Variants in UNC5C observed in about 807,000 individuals in gnomAD.
UNC5C encodes netrin receptor UNC5C.
UNC5C carries 47 observed loss-of-function variants against 99.8 expected under a neutral mutation model. That is an observed-to-expected ratio of 0.47 (90% CI 0.37 to 0.60). The LOEUF is 0.60. UNC5C is among the 20% of genes least tolerant of loss of function. The pLI is 0.00. For missense variants in UNC5C, 1,062 were observed against 1,165.9 expected (o/e 0.91, Z 1.30); for synonymous variants, 487 against 452.2 (o/e 1.08, Z -0.98).
intron 1 of UNC5C, among the ~76,000 whole-genome samples, chr4:95,509,206 G>C (rs1722000996): frequency 6.6e-6 from 1 of 151,566 alleles, no homozygotes; most frequent in Non-Finnish European, 1.5e-5. Flanking sequence ...TTTTTTTGTA[G>C]TTTTTTTCTA....
intron 7 of UNC5C, among the ~76,000 whole-genome samples, chr4:95,224,119 C>T (rs1231513066): frequency 6.6e-6 from 1 of 151,892 alleles, no homozygotes; most frequent in African/African-American, 2.4e-5. Context: ...CCATCTCTAC[C>T]CAAAATACAA....
At chr4:95,278,390 G>A (rs755207260) in intron 3 of UNC5C, 28 bp from the exon 4 acceptor site, 1 of 1,566,362 alleles carries the variant, frequency 6.4e-7, no homozygotes, top group Admixed American at 1.7e-5. Context: ...CAAAATACAT[G>A]TCAAAATTAA....
At chr4:95,406,053 T>A (rs1367783454) in intron 1 of UNC5C, among the ~76,000 whole-genome samples, 2 of 152,108 alleles carry the variant, frequency 1.3e-5, no homozygotes, top group Non-Finnish European at 2.9e-5. Context: ...AAAATGAAGA[T>A]TAACAAATGT....
At chr4:95,342,613 G>A (rs992328858) in intron 1 of UNC5C, among the ~76,000 whole-genome samples, 3 of 151,742 alleles carry the variant, frequency 2.0e-5, no homozygotes, top group Admixed American at 2.0e-4. Flanking sequence ...AGAATGGACT[G>A]GGATGAGGCT....
intron 7 of UNC5C, among the ~76,000 whole-genome samples, chr4:95,227,786 C>T (rs1738753240): frequency 6.6e-6 from 1 of 152,200 alleles, no homozygotes; most frequent in Admixed American, 6.5e-5. Context: ...GTCAATAAAA[C>T]TGACAATGTA....
At chr4:95,509,966 T>C (rs1248596542) in intron 1 of UNC5C, among the ~76,000 whole-genome samples, 1 of 151,930 alleles carries the variant, frequency 6.6e-6, no homozygotes, top group Non-Finnish European at 1.5e-5. Flanking sequence ...TTTCCATCTG[T>C]GAAACACTTG....
rs539928282 is a variant in UNC5C, at chr4:95,420,052, T to C, written c.125-84421A>G. Among the ~76,000 whole-genome samples, 8 of 152,338 alleles carry C rather than the reference T, an allele frequency of 5.3e-5. No individual in the cohort carries two copies. In the South Asian group the frequency reaches 8.3e-4, roughly 16 times the overall value. ...ATTATCAACATTTCCTCTTGAGATG[T>C]CTTAAGTATGAATACCTATAATCAG... On this transcript the variant is annotated intron_variant, in intron 1 of 15. Coordinates refer to ENST00000453304, the MANE Select transcript of UNC5C (RefSeq NM_003728.4).
intron 1 of UNC5C, among the ~76,000 whole-genome samples, chr4:95,458,235 T>C (rs1350710703): frequency 6.6e-6 from 1 of 152,040 alleles, no homozygotes; most frequent in Non-Finnish European, 1.5e-5. Flanking sequence ...AGTGAGTCTG[T>C]CCCATTGTAG....
chr4:95,228,812 CAT>C (rs1296311329), intron 7 of UNC5C, among the ~76,000 whole-genome samples: 1 of 152,140 alleles, frequency 6.6e-6, no homozygotes, highest in Non-Finnish European at 1.5e-5. Flanking sequence ...CATTTATAGT[CAT>C]GACACTTATA....
In UNC5C at chr4:95,354,566, A is replaced by G. The variant is rs538129772; in HGVS notation, c.125-18935T>C. Among the ~76,000 whole-genome samples the G allele has an allele frequency of 3.8e-4, 57 of 150,468 alleles. 1 individual carries two copies. The highest frequency in any genetic ancestry group is 1.4e-3 in the African/African-American group (57 of 40,852). On this transcript the variant is annotated intron_variant, in intron 1 of 15. Transcript: ENST00000453304. ...GCAATAATGGCTCACTGTAACCTCA[A>G]ATGTCTGGGCTCAAGCCATCCTCCC...
chr4:95,365,675 A>G (rs1371999384), intron 1 of UNC5C, among the ~76,000 whole-genome samples: 1 of 152,074 alleles, frequency 6.6e-6, no homozygotes, highest in Non-Finnish European at 1.5e-5. Flanking sequence ...TTTCAAATGC[A>G]GATCAATTTC....
At chr4:95,522,419 T>C (rs918779923) in intron 1 of UNC5C, among the ~76,000 whole-genome samples, 1 of 151,948 alleles carries the variant, frequency 6.6e-6, no homozygotes, top group Non-Finnish European at 1.5e-5. Flanking sequence ...CATACACAGG[T>C]GTGCATGAGA....
chr4:95,224,103 G>A (rs1215184479), intron 7 of UNC5C, among the ~76,000 whole-genome samples: 1 of 152,126 alleles, frequency 6.6e-6, no homozygotes, highest in African/African-American at 2.4e-5. Flanking sequence ...GCAACATGGT[G>A]AAAGCCCATC....
At chr4:95,176,743 G>A (rs1736367988) in intron 14 of UNC5C, among the ~76,000 whole-genome samples, 1 of 152,354 alleles carries the variant, frequency 6.6e-6, no homozygotes, top group Admixed American at 6.5e-5. Flanking sequence ...AGGCAGGCAG[G>A]CCTCCTTGAG....
chr4:95,293,882 T>C (rs928684417), intron 3 of UNC5C, among the ~76,000 whole-genome samples: 8 of 152,160 alleles, frequency 5.3e-5, no homozygotes, highest in African/African-American at 1.9e-4. Context: ...AATGATCTAA[T>C]ACATAATACA....
chr4:95,250,393 T>A lies in UNC5C; in HGVS notation c.775+94A>T, dbSNP rs1739653443. The A allele has an allele frequency of 3.2e-5, 43 of 1,350,102 alleles. No individual in the cohort carries two copies. The South Asian group carries it at 5.8e-4, about 18-fold the overall frequency. The allele number at this position is 1,350,102 out of a possible 1,614,324, so 83.6% of individuals were successfully genotyped here. On this transcript the variant is annotated intron_variant, in intron 5 of 15. Transcript: ENST00000453304. ...GAGCAAGACCCTGTCTCAAATAATATGAAATTTTAAAAAAAGGGCTTCTAG... is the reference window on the plus strand; with the variant it reads ...GAGCAAGACCCTGTCTCAAATAATAAGAAATTTTAAAAAAAGGGCTTCTAG...
intron 1 of UNC5C, among the ~76,000 whole-genome samples, chr4:95,342,909 G>A (rs533592724): frequency 6.6e-6 from 1 of 152,186 alleles, no homozygotes; most frequent in South Asian, 2.1e-4. Context: ...AGTGGCAGTG[G>A]CCATGGAAAA....
chr4:95,279,358 C>A (rs1740972088), intron 3 of UNC5C, among the ~76,000 whole-genome samples: 1 of 152,108 alleles, frequency 6.6e-6, no homozygotes, highest in Non-Finnish European at 1.5e-5. Flanking sequence ...CAGGAGTATG[C>A]AGCTGAGTTT....
intron 2 of UNC5C, among the ~76,000 whole-genome samples, chr4:95,332,350 A>G (rs1490266460): frequency 6.7e-6 from 1 of 149,800 alleles, no homozygotes; most frequent in Non-Finnish European, 1.5e-5. Flanking sequence ...CCAAAACAGC[A>G]TGGTACTGGT....
Sources: gnomAD v4.1 joint callset for allele counts (sites outside exome capture counted in the v4.1 genomes callset) on GRCh38, gnomAD v4.1.1 for gene constraint, MANE v1.5 for transcripts, NCBI Gene and HGNC (gene_info 2026-07-23, HGNC 2026-07-21) for gene names.